Variants in RTTN observed in about 807,000 individuals in gnomAD.
The protein encoded by RTTN is rotatin.
Under a neutral mutation model 269.2 loss-of-function variants are expected in RTTN, and 182 were observed. The observed-to-expected ratio is 0.68, with a 90% CI of 0.60 to 0.76. The LOEUF (loss-of-function observed/expected upper bound fraction) is 0.76, where lower values mean the gene tolerates loss of function less well. RTTN is among the 30% of genes least tolerant of loss of function. RTTN has a pLI of 0.00. For missense variants in RTTN, 2,545 were observed against 2,608.6 expected (o/e 0.98, Z 0.53); for synonymous variants, 1,006 against 963.5 (o/e 1.04, Z -0.82).
intron 21 of RTTN, among the ~76,000 whole-genome samples, chr18:70,137,841 T>C (rs2060160772): frequency 6.6e-6 from 1 of 152,170 alleles, no homozygotes; most frequent in African/African-American, 2.4e-5. Flanking sequence ...TGTCAATGTC[T>C]CCAACTCTAC....
chr18:70,201,075 TG>T (rs1366181095), intron 4 of RTTN, among the ~76,000 whole-genome samples: 1 of 152,180 alleles, frequency 6.6e-6, no homozygotes, highest in Non-Finnish European at 1.5e-5. Context: ...TCTGATGAGG[TG>T]GCATGTGAGC....
intron 40 of RTTN, among the ~76,000 whole-genome samples, chr18:70,043,738 C>A (rs2057410683): frequency 6.6e-6 from 1 of 152,120 alleles, no homozygotes; most frequent in African/African-American, 2.4e-5. Context: ...AAAAAGGAAA[C>A]AAACAGAATT....
intron 48 of RTTN, 133 bp from the exon 49 acceptor site, chr18:70,004,369 T>TAGCATTCC: frequency 2.0e-6 from 1 of 503,992 alleles, no homozygotes; most frequent in South Asian, 4.1e-5. Flanking sequence ...CTTGATGTAA[T>TAGCATTCC]AGCATTCCAG....
intron 14 of RTTN, among the ~76,000 whole-genome samples, chr18:70,163,376 A>T (rs1702291518): frequency 6.6e-6 from 1 of 151,666 alleles, no homozygotes; most frequent in Non-Finnish European, 1.5e-5. Context: ...GCGAGACTCC[A>T]TCTCAAAAAA....
In RTTN at chr18:70,075,398, C is replaced by G; in HGVS notation, c.4518G>C (p.Leu1506Phe). Reference protein sequence around the residue: ...HCYLGRCMFDLNFSAFDRNSE... With the variant: ...HCYLGRCMFDFNFSAFDRNSE... The stretch of plus-strand genomic sequence containing the variant: ...AATTTCTATCAAAAGCAGAAAAATT[C>G]AAATCAAACATACACCGTCCTAGGT... The change falls in exon 33 of 49, where the codon TTG (leucine) becomes TTC (phenylalanine). Residue 1506 changes from leucine (L) to phenylalanine (F), a missense_variant. Physicochemically the swap from Leu to Phe is conservative, Grantham distance 22 (BLOSUM62 0). Transcript: ENST00000640769. The G allele has an allele frequency of 6.3e-7, 1 of 1,593,142 alleles. No homozygotes were observed. Among genetic ancestry groups the G allele is most frequent in the Non-Finnish European group, 8.5e-7 (1 of 1,172,656 alleles).
At chr18:70,020,931 A>T (rs2056686236) in intron 44 of RTTN, 114 bp from the exon 45 acceptor site, 1 of 803,878 alleles carries the variant, frequency 1.2e-6, no homozygotes, top group South Asian at 1.8e-5. Flanking sequence ...TTAACCTGTG[A>T]ACTGCAAATT....
intron 34 of RTTN, among the ~76,000 whole-genome samples, chr18:70,068,670 T>C (rs1361583241): frequency 6.6e-6 from 1 of 152,202 alleles, no homozygotes; most frequent in African/African-American, 2.4e-5. Flanking sequence ...TGCTCTGCTC[T>C]GTACCTCACA....
chr18:70,020,896 T>C, intron 44 of RTTN, 79 bp from the exon 45 acceptor site: 5 of 1,196,618 alleles, frequency 4.2e-6, no homozygotes, highest in Non-Finnish European at 6.0e-6. Flanking sequence ...GCAAAGCATA[T>C]CTGTCTAACA....
At chr18:70,098,881 G>A (rs557356097) in intron 28 of RTTN, among the ~76,000 whole-genome samples, 8 of 152,210 alleles carry the variant, frequency 5.3e-5, no homozygotes, top group East Asian at 1.9e-4. Flanking sequence ...TTATGAGCAC[G>A]AACATGCAGT....
At chr18:70,123,886 G>C (rs1471658969) in intron 25 of RTTN, among the ~76,000 whole-genome samples, 1 of 151,978 alleles carries the variant, frequency 6.6e-6, no homozygotes, top group Admixed American at 6.6e-5. Context: ...AATGTTTGTT[G>C]AATGATGGAA....
intron 28 of RTTN, among the ~76,000 whole-genome samples, chr18:70,106,469 A>C (rs2059324274): frequency 6.6e-6 from 1 of 152,246 alleles, no homozygotes; most frequent in Non-Finnish European, 1.5e-5. Flanking sequence ...ACCTTGGAAG[A>C]ATAAGAAAAG....
chr18:70,123,509 G>A (rs1013832142), intron 25 of RTTN, among the ~76,000 whole-genome samples: 7 of 151,984 alleles, frequency 4.6e-5, no homozygotes, highest in Admixed American at 3.3e-4. Context: ...CCTGCCACTT[G>A]CCTCTGGTAA....
chr18:70,056,269 A>T (rs1215633539), intron 37 of RTTN, among the ~76,000 whole-genome samples: 6 of 152,174 alleles, frequency 3.9e-5, no homozygotes, highest in African/African-American at 1.4e-4. Flanking sequence ...CATTTAATCT[A>T]CATAAGGCCA....
chr18:70,040,154 AAACTC>A (rs1226000798), intron 40 of RTTN, among the ~76,000 whole-genome samples: 1 of 152,240 alleles, frequency 6.6e-6, no homozygotes, highest in East Asian at 1.9e-4. Flanking sequence ...ACTATGGACT[AAACTC>A]TACAATAAAA....
At position 70,048,059 on chromosome 18, in the gene RTTN, A is replaced by G. The variant is rs1341613470; in HGVS notation, c.5453T>C (p.Leu1818Ser). ...TGAAGCCACTGTTGGACTACAGCATAAATGTGTTTTGCTCTTAGCCTGGAG... is the reference window on the plus strand; with the variant it reads ...TGAAGCCACTGTTGGACTACAGCATGAATGTGTTTTGCTCTTAGCCTGGAG... ...GHLQAKSKTH[L>S]CCSPTVASLL... Residue 1818 changes from leucine (L) to serine (S), a missense_variant, in exon 40 of 49, where the codon TTA becomes TCA. Coordinates refer to ENST00000640769, the MANE Select transcript of RTTN (RefSeq NM_173630.4). 6.2e-7 allele frequency: 1 copy of G among 1,614,186 alleles called. No individual in the cohort carries two copies. Among genetic ancestry groups the G allele is most frequent in the East Asian group, 2.2e-5 (1 of 44,882 alleles).
At chr18:70,191,826 CG>C (rs1428209568) in intron 8 of RTTN, among the ~76,000 whole-genome samples, 1 of 152,168 alleles carries the variant, frequency 6.6e-6, no homozygotes, top group African/African-American at 2.4e-5. Flanking sequence ...GGAAACAACT[CG>C]GGCTTCTCTG....
Position 70,139,281 on chromosome 18 carries a change from A to G in RTTN, c.2788+318T>C, listed in dbSNP as rs73466795. Among the ~76,000 whole-genome samples, 15,411 of 152,138 alleles carry G rather than the reference A, an allele frequency of 0.1. 1,677 individuals are homozygous for G. Among genetic ancestry groups the G allele is most frequent in the African/African-American group, 0.28 (11,425 of 41,426 alleles). On this transcript the variant is annotated intron_variant, in intron 21 of 48. Transcript: ENST00000640769. ...AGACGAAAGAGATATTGGAAAGAAG[A>G]TAGTAATAACAGCAGCTGCAACTTT...
In RTTN at chr18:70,064,924, C is replaced by T. The variant is rs571237950; in HGVS notation, c.4747+905G>A. On this transcript the variant is annotated intron_variant, in intron 35 of 48. Transcript: ENST00000640769. ...GTTCATGAAATTCATGATCGAATTTCATTTCATGCCCTATGTCCTGAGCCA... is the reference window on the plus strand; with the variant it reads ...GTTCATGAAATTCATGATCGAATTTTATTTCATGCCCTATGTCCTGAGCCA... Among the ~76,000 whole-genome samples, 12 of 152,274 alleles carry T rather than the reference C, an allele frequency of 7.9e-5. No homozygotes were observed. In the East Asian group the frequency reaches 1.9e-3, roughly 24 times the overall value.
At chr18:70,137,220 G>T (rs115449321) in intron 21 of RTTN, among the ~76,000 whole-genome samples, 2 of 152,058 alleles carry the variant, frequency 1.3e-5, no homozygotes, top group Non-Finnish European at 2.9e-5. Context: ...AGGAAGTTTC[G>T]ATTCTCTCTC....
Sources: gnomAD v4.1 joint callset for allele counts (sites outside exome capture counted in the v4.1 genomes callset) on GRCh38, gnomAD v4.1.1 for gene constraint, MANE v1.5 for transcripts, NCBI Gene and HGNC (gene_info 2026-07-23, HGNC 2026-07-21) for gene names.